Variants in METTL16 observed in about 807,000 individuals in gnomAD.
METTL16 encodes methyltransferase 16, RNA N6-adenosine.
A neutral mutation model predicts 57.9 loss-of-function variants in METTL16; 19 were observed. The ratio of observed to expected loss-of-function variants is 0.33; its 90% CI spans 0.23 to 0.48. The LOEUF is 0.48. Ranked by LOEUF, METTL16 falls within the 20% of genes least tolerant of loss-of-function variation. The probability of loss-of-function intolerance (pLI) is 0.99; values close to 1 mark genes in which losing one functional copy is unlikely to be tolerated. For missense variants in METTL16, 434 were observed against 691.5 expected, an observed-to-expected ratio of 0.63 and a Z score of 4.18; for synonymous variants, 246 against 255.6, an observed-to-expected ratio of 0.96 and a Z score of 0.36.
Position 2,491,698 on chromosome 17 carries a change from A to AC in METTL16, c.128+10505dup, listed in dbSNP as rs1157146171. Among the ~76,000 whole-genome samples the AC allele has an allele frequency of 2.0e-5, 3 of 150,808 alleles. No individual in the cohort carries two copies. In the South Asian group the frequency reaches 6.3e-4, roughly 32 times the overall value. On this transcript the variant is annotated intron_variant, in intron 2 of 9. Coordinates refer to ENST00000263092, the MANE Select transcript of METTL16 (RefSeq NM_024086.4). Reference sequence around the variant, plus strand: ...AGACCATCCTGGCTAACACGGTGAAACCCCGTCTCTATTAAAAATACAAAA... The same window carrying AC: ...AGACCATCCTGGCTAACACGGTGAAACCCCCGTCTCTATTAAAAATACAAAA...
intron 7 of METTL16, 89 bp downstream of exon 7, chr17:2,441,401 T>C: frequency 1.1e-6 from 1 of 875,490 alleles, no homozygotes; most frequent in South Asian, 2.3e-5. Context: ...TTCACCACAA[T>C]GCAATATATC....
Position 2,467,764 on chromosome 17 carries a change from G to A in METTL16, c.582C>T (p.Ala194=), listed in dbSNP as rs1280334351. The A allele has an allele frequency of 7.4e-6, 12 of 1,610,846 alleles. No individual in the cohort carries two copies. Among genetic ancestry groups the A allele is most frequent in the Non-Finnish European group, 1.0e-5 (12 of 1,177,098 alleles). ...TTTAAAGCAGAAGACATTTTACCTT[G>A]GCTTCCAATTGATTGGCAAAAAAGG... is the stretch of plus-strand genomic sequence containing the variant. ...NPPFFANQLE[A]KGVNSRNPRR... The change falls in exon 5 of 10, where the codon GCC becomes GCT. Residue 194 remains alanine, a synonymous_variant. Coordinates refer to ENST00000263092, the MANE Select transcript of METTL16 (RefSeq NM_024086.4).
At chr17:2,456,397 T>C (rs1255105165) in intron 6 of METTL16, among the ~76,000 whole-genome samples, 1 of 152,208 alleles carries the variant, frequency 6.6e-6, no homozygotes, top group Non-Finnish European at 1.5e-5. Context: ...ATGTTCTTTT[T>C]AACAGTGAAA....
At chr17:2,453,146 C>T (rs577467509) in intron 6 of METTL16, among the ~76,000 whole-genome samples, 10 of 152,268 alleles carry the variant, frequency 6.6e-5, no homozygotes, top group Admixed American at 5.9e-4. Flanking sequence ...AGGTGTGAGC[C>T]GCTGCGCCCC....
intron 8 of METTL16, among the ~76,000 whole-genome samples, chr17:2,433,845 C>G (rs187230513): frequency 6.6e-6 from 1 of 152,188 alleles, no homozygotes. Context: ...ACGAGTCAGA[C>G]GCTGGCGACT....
intron 1 of METTL16, among the ~76,000 whole-genome samples, chr17:2,511,100 G>C (rs2067583825): frequency 1.3e-5 from 2 of 151,880 alleles, no homozygotes; most frequent in Admixed American, 1.3e-4. Context: ...CCGACACAAA[G>C]CACCCTCACT....
At chr17:2,482,980 G>T (rs923019775) in intron 2 of METTL16, among the ~76,000 whole-genome samples, 3 of 150,848 alleles carry the variant, frequency 2.0e-5, no homozygotes, top group African/African-American at 7.3e-5. Flanking sequence ...ATAAAATCAG[G>T]GGCAGTAAAG....
chr17:2,452,822 A>C (rs532293453), intron 6 of METTL16, among the ~76,000 whole-genome samples: 3 of 152,034 alleles, frequency 2.0e-5, no homozygotes, highest in Non-Finnish European at 2.9e-5. Flanking sequence ...TGGCATGTCC[A>C]TTTTAAAAGC....
intron 7 of METTL16, among the ~76,000 whole-genome samples, chr17:2,440,256 T>G (rs2066938172): frequency 6.7e-6 from 1 of 148,802 alleles, no homozygotes; most frequent in South Asian, 2.1e-4. Context: ...GACACCATCT[T>G]TTTTTTTTTT....
At chr17:2,463,279 C>T (rs567783012) in intron 6 of METTL16, among the ~76,000 whole-genome samples, 6 of 152,204 alleles carry the variant, frequency 3.9e-5, no homozygotes, top group East Asian at 3.9e-4. Context: ...TATTTGAATC[C>T]GTTTTGTTCT....
chr17:2,424,873 G>A (rs34505204), intron 8 of METTL16, among the ~76,000 whole-genome samples: 3,113 of 152,168 alleles, frequency 0.02, 51 homozygotes, highest in Non-Finnish European at 0.032. Flanking sequence ...GCGTGAACCC[G>A]GGAGGCGGAC....
rs1597431089 is a variant in METTL16, at chr17:2,417,023, G to A, written c.*2947C>T. 1.4e-5 allele frequency: 2 copies of A among 144,236 alleles called. No homozygotes were observed. The highest frequency in any genetic ancestry group is 2.6e-5 in the African/African-American group (1 of 39,016). The allele number at this position is 144,236 out of a possible 1,614,324, so 8.9% of individuals were successfully genotyped here. A position where few individuals can be genotyped will look rare whatever the true frequency, so the allele number is the denominator to read the frequency against. On this transcript the variant is annotated 3_prime_UTR_variant, in exon 10 of 10. Coordinates refer to ENST00000263092, the MANE Select transcript of METTL16 (RefSeq NM_024086.4). Reference sequence around the variant, plus strand: ...ACATCCAAATGCACAGAAGGCACTCGGCTCCAGACTGAAAGCTGGCCTGCT... The same window carrying A: ...ACATCCAAATGCACAGAAGGCACTCAGCTCCAGACTGAAAGCTGGCCTGCT...
At chr17:2,479,659 A>G (rs558378059) in intron 2 of METTL16, among the ~76,000 whole-genome samples, 22 of 152,154 alleles carry the variant, frequency 1.4e-4, no homozygotes, top group African/African-American at 3.6e-4. Context: ...CATTGGAAAA[A>G]TTCAATGTCC....
At chr17:2,454,856 G>A (rs1035600163) in intron 6 of METTL16, among the ~76,000 whole-genome samples, 4 of 151,868 alleles carry the variant, frequency 2.6e-5, no homozygotes, top group East Asian at 3.9e-4. Flanking sequence ...GAGCCCCCAC[G>A]CCCAGCCAAA....
chr17:2,425,009 G>A (rs2066808024), intron 8 of METTL16, among the ~76,000 whole-genome samples: 1 of 151,752 alleles, frequency 6.6e-6, no homozygotes, highest in South Asian at 2.1e-4. Flanking sequence ...GCTTTTAAAT[G>A]ATGAAAGATT....
intron 2 of METTL16, among the ~76,000 whole-genome samples, chr17:2,496,469 T>A (rs1348806935): frequency 1.3e-5 from 2 of 151,626 alleles, no homozygotes; most frequent in African/African-American, 4.9e-5. Context: ...CTGTCAAACA[T>A]GTTTTTAAAA....
intron 2 of METTL16, 33 bp from the exon 3 acceptor site, chr17:2,477,918 T>G (rs760357762): frequency 1.9e-6 from 3 of 1,568,524 alleles, no homozygotes; most frequent in Non-Finnish European, 2.6e-6. Flanking sequence ...TAAAACTGAT[T>G]AGTAAGATTC....
At chr17:2,466,172 G>A (rs1214659717) in intron 5 of METTL16, among the ~76,000 whole-genome samples, 1 of 135,522 alleles carries the variant, frequency 7.4e-6, no homozygotes, top group African/African-American at 2.7e-5. Context: ...CAGCCTGGGT[G>A]ACAAGAGTAA....
At chr17:2,430,508 C>T (rs1370558424) in intron 8 of METTL16, among the ~76,000 whole-genome samples, 6 of 147,820 alleles carry the variant, frequency 4.1e-5, no homozygotes, top group Non-Finnish European at 9.0e-5. Context: ...CTCCGCCTCC[C>T]GGGTTCACGC....
Sources: gnomAD v4.1 joint callset for allele counts (sites outside exome capture counted in the v4.1 genomes callset) on GRCh38, gnomAD v4.1.1 for gene constraint, MANE v1.5 for transcripts, NCBI Gene and HGNC (gene_info 2026-07-23, HGNC 2026-07-21) for gene names.